Variants in BUB1B observed in about 807,000 individuals in gnomAD.
BUB1B encodes BUB1 mitotic checkpoint serine/threonine kinase B, also known as mitotic checkpoint serine/threonine-protein kinase BUB1 beta.
In BUB1B, 86 loss-of-function variants were observed where a neutral mutation model predicts 137.7. The ratio of observed to expected loss-of-function variants is 0.62; its 90% CI spans 0.52 to 0.75. BUB1B has a LOEUF of 0.75. Ranked by LOEUF, BUB1B falls within the 30% of genes least tolerant of loss-of-function variation. The pLI is 0.00. For missense variants in BUB1B, 1,130 were observed against 1,236.9 expected (o/e 0.91, Z 1.30); for synonymous variants, 420 against 417.9 (o/e 1.00, Z -0.06).
At chr15:40,207,490 G>A (rs902504059) in intron 15 of BUB1B, among the ~76,000 whole-genome samples, 1 of 152,008 alleles carries the variant, frequency 6.6e-6, no homozygotes, top group African/African-American at 2.4e-5. Flanking sequence ...TTGCTAGCAT[G>A]TATTCACATT....
chr15:40,168,008 T>C (rs2037121126), intron 2 of BUB1B, among the ~76,000 whole-genome samples: 1 of 151,986 alleles, frequency 6.6e-6, no homozygotes, highest in Non-Finnish European at 1.5e-5. Flanking sequence ...CTTGGTCCTT[T>C]GCCTTTGCAA....
At chr15:40,213,205 C>A in intron 19 of BUB1B, 127 bp from the exon 20 acceptor site, 3 of 946,498 alleles carry the variant, frequency 3.2e-6, no homozygotes, top group Admixed American at 3.9e-5. Context: ...TAGACTCAGT[C>A]TACAGAGGTG....
At chr15:40,218,392 G>A (rs139941027) in intron 21 of BUB1B, 64 bp from the exon 22 acceptor site, 21 of 1,240,744 alleles carry the variant, frequency 1.7e-5, no homozygotes, top group African/African-American at 1.5e-4. Context: ...ACTTCCTACC[G>A]AAATAAGCTG....
chr15:40,181,320 A>G (rs1249177036), intron 5 of BUB1B, among the ~76,000 whole-genome samples: 1 of 150,502 alleles, frequency 6.6e-6, no homozygotes, highest in Non-Finnish European at 1.5e-5. Context: ...CCAACTCCCA[A>G]TCTCAGGTGA....
chr15:40,165,205 A>G lies in BUB1B; in HGVS notation c.179+9A>G, dbSNP rs772204820. ...CTTCAGCAGCAGAAACGGTGTGTAG[A>G]ATGGCTGAGTCTCAACCTGTCGTCA... On this transcript the variant is annotated intron_variant, in intron 2 of 22. Coordinates refer to ENST00000287598, the MANE Select transcript of BUB1B (RefSeq NM_001211.6). The G allele has an allele frequency of 9.9e-6, 16 of 1,614,164 alleles. No individual in the cohort carries two copies. Among genetic ancestry groups the G allele is most frequent in the Non-Finnish European group, 1.4e-5 (16 of 1,180,022 alleles).
intron 14 of BUB1B, among the ~76,000 whole-genome samples, chr15:40,203,349 G>T (rs544419904): frequency 7.2e-5 from 11 of 152,266 alleles, no homozygotes; most frequent in African/African-American, 2.6e-4. Flanking sequence ...TCCAGAATAG[G>T]CAAAAGTGTC....
At chr15:40,168,935 T>A (rs905729661) in intron 2 of BUB1B, among the ~76,000 whole-genome samples, 1 of 152,260 alleles carries the variant, frequency 6.6e-6, no homozygotes, top group Non-Finnish European at 1.5e-5. Flanking sequence ...CTTAAAGCCT[T>A]TACTATCCAT....
chr15:40,164,326 C>G (rs2037070460), intron 1 of BUB1B, among the ~76,000 whole-genome samples: 1 of 151,886 alleles, frequency 6.6e-6, no homozygotes, highest in East Asian at 1.9e-4. Flanking sequence ...CCCCTGAACC[C>G]AAGCAATGCT....
intron 4 of BUB1B, among the ~76,000 whole-genome samples, chr15:40,171,271 G>T: frequency 6.6e-6 from 1 of 152,146 alleles, no homozygotes; most frequent in East Asian, 1.9e-4. Context: ...AACATAACTG[G>T]GTGCAGTGTT....
At chr15:40,179,860 T>C (rs939235324) in intron 5 of BUB1B, among the ~76,000 whole-genome samples, 16 of 151,952 alleles carry the variant, frequency 1.1e-4, no homozygotes, top group African/African-American at 3.9e-4. Context: ...TTTATAACCA[T>C]AAAAGTTCCT....
At chr15:40,173,091 C>T (rs2037182764) in intron 4 of BUB1B, among the ~76,000 whole-genome samples, 1 of 152,040 alleles carries the variant, frequency 6.6e-6, no homozygotes, top group South Asian at 2.1e-4. Context: ...ACCTGGCCAA[C>T]ATGGTGAAAC....
At chr15:40,217,761 G>A (rs560527537) in intron 21 of BUB1B, 94 bp downstream of exon 21, 113 of 1,424,696 alleles carry the variant, frequency 7.9e-5, no homozygotes, top group Non-Finnish European at 1.1e-4. Flanking sequence ...TACTGATACC[G>A]ACTCCTAGAA....
At chr15:40,168,985 A>G (rs1169306237) in intron 2 of BUB1B, among the ~76,000 whole-genome samples, 1 of 152,122 alleles carries the variant, frequency 6.6e-6, no homozygotes, top group Non-Finnish European at 1.5e-5. Flanking sequence ...TTGTATTACT[A>G]GTTCATTTTT....
chr15:40,210,115 G>A lies in BUB1B; in HGVS notation c.2290G>A (p.Glu764Lys). 1 of 1,606,444 alleles carries A rather than the reference G, an allele frequency of 6.2e-7. No homozygotes were observed. The highest frequency in any genetic ancestry group is 1.1e-5 in the South Asian group (1 of 90,898). Residue 764 changes from glutamate to lysine, a missense_variant, in exon 18 of 23, where the codon GAG becomes AAG. By Grantham distance (56) the Glu-to-Lys change is moderately conservative (BLOSUM62 1). Coordinates refer to ENST00000287598, the MANE Select transcript of BUB1B (RefSeq NM_001211.6). ...GAATCAAACTTTCTCAACAGGTAAT[G>A]AGGATTACTGCATTAAACGAGAATA... ...EIEKEIELGN[E>K]DYCIKREYLI... is the part of the protein sequence containing the mutation.
chr15:40,166,155 A>G (rs2037095118), intron 2 of BUB1B, among the ~76,000 whole-genome samples: 1 of 152,204 alleles, frequency 6.6e-6, no homozygotes. Flanking sequence ...ACTCAGCCTC[A>G]TTCATCATAT....
intron 8 of BUB1B, among the ~76,000 whole-genome samples, chr15:40,186,102 C>A (rs76309458): frequency 6.6e-6 from 1 of 151,778 alleles, no homozygotes; most frequent in Non-Finnish European, 1.5e-5. Flanking sequence ...TATTAAGGGG[C>A]GGTATTTGGG....
intron 15 of BUB1B, among the ~76,000 whole-genome samples, chr15:40,207,993 T>C (rs1276422945): frequency 6.7e-6 from 1 of 148,916 alleles, no homozygotes; most frequent in Non-Finnish European, 1.5e-5. Flanking sequence ...CTTTTTTGTT[T>C]TACAACCTTT....
rs558459452 is a variant in BUB1B, at chr15:40,207,957, G to C, written c.2010-680G>C. Among the ~76,000 whole-genome samples the C allele has an allele frequency of 2.0e-5, 3 of 149,674 alleles. No homozygotes were observed. The East Asian group carries it at 6.0e-4, about 30-fold the overall frequency. ...GGGCTCAAGTGATTCTCCCACCTCA[G>C]CCTCCCAAGTAGTCCCAGATATTAG... is the stretch of plus-strand genomic sequence containing the variant. On this transcript the variant is annotated intron_variant, in intron 15 of 22. Transcript: ENST00000287598.
At chr15:40,205,908 A>G (rs2037630850) in intron 14 of BUB1B, among the ~76,000 whole-genome samples, 2 of 152,232 alleles carry the variant, frequency 1.3e-5, no homozygotes, top group Non-Finnish European at 2.9e-5. Context: ...AAAGCAGAAG[A>G]AAAATAGTAT....
Sources: gnomAD v4.1 joint callset for allele counts (sites outside exome capture counted in the v4.1 genomes callset) on GRCh38, gnomAD v4.1.1 for gene constraint, MANE v1.5 for transcripts, NCBI Gene and HGNC (gene_info 2026-07-23, HGNC 2026-07-21) for gene names.